Variants in GTF2E1 observed in about 807,000 individuals in gnomAD.
The protein encoded by GTF2E1 is TFIIE alpha subunit.
GTF2E1 carries 14 observed loss-of-function variants against 34.9 expected under a neutral mutation model. That is an observed-to-expected ratio of 0.40 (90% CI 0.27 to 0.63). GTF2E1 has a LOEUF of 0.63. Among genes scored for constraint, GTF2E1 ranks in the 20% least tolerant of loss-of-function variants. GTF2E1 has a pLI of 0.39. For missense variants in GTF2E1, 469 were observed against 557.7 expected (o/e 0.84, Z 1.60); for synonymous variants, 188 against 192.9 (o/e 0.97, Z 0.21).
At chr3:120,759,875 T>C (rs1256741641) in intron 2 of GTF2E1, among the ~76,000 whole-genome samples, 1 of 152,228 alleles carries the variant, frequency 6.6e-6, no homozygotes, top group Non-Finnish European at 1.5e-5. Context: ...GGTAGTGTGA[T>C]GCCTCCAGCT....
intron 2 of GTF2E1, among the ~76,000 whole-genome samples, chr3:120,753,712 T>C (rs1280559469): frequency 6.6e-6 from 1 of 152,214 alleles, no homozygotes; most frequent in Non-Finnish European, 1.5e-5. Context: ...TTTACCATTG[T>C]TAATTCACAC....
chr3:120,778,975 C>A (rs1314065057), intron 4 of GTF2E1, among the ~76,000 whole-genome samples: 1 of 152,094 alleles, frequency 6.6e-6, no homozygotes, highest in Non-Finnish European at 1.5e-5. Context: ...CTTTCAGTAC[C>A]CACAATTGCT....
At chr3:120,753,353 G>A (rs1192877421) in intron 2 of GTF2E1, among the ~76,000 whole-genome samples, 1 of 152,078 alleles carries the variant, frequency 6.6e-6, no homozygotes, top group Admixed American at 6.6e-5. Context: ...GTCTAAATTG[G>A]TAGATTGTAG....
chr3:120,779,534 A>G (rs1373581397), intron 4 of GTF2E1, among the ~76,000 whole-genome samples: 1 of 152,158 alleles, frequency 6.6e-6, no homozygotes, highest in Admixed American at 6.5e-5. Flanking sequence ...TCTCTCTCTT[A>G]TCTGCTCAGT....
At chr3:120,763,528 C>A (rs1050527774) in intron 2 of GTF2E1, among the ~76,000 whole-genome samples, 1 of 152,110 alleles carries the variant, frequency 6.6e-6, no homozygotes, top group Non-Finnish European at 1.5e-5. Flanking sequence ...AGTGTTATGT[C>A]TTGAAATTTT....
chr3:120,754,648 A>G (rs546086538), intron 2 of GTF2E1, among the ~76,000 whole-genome samples: 1 of 152,226 alleles, frequency 6.6e-6, no homozygotes, highest in East Asian at 1.9e-4. Context: ...CTAAAAACAT[A>G]TATGGCATTG....
intron 2 of GTF2E1, among the ~76,000 whole-genome samples, chr3:120,766,379 T>C (rs1167153643): frequency 3.9e-5 from 6 of 152,194 alleles, no homozygotes; most frequent in Non-Finnish European, 8.8e-5. Flanking sequence ...TTCTGTGGCT[T>C]TCCTATTACT....
chr3:120,769,850 A>G lies in GTF2E1; in HGVS notation c.449-878A>G, dbSNP rs149771857. ...TTGGGATAGATGTAGATTAGGTGGC[A>G]TTTAGACAATAAGAAGATGTATTTT... On this transcript the variant is annotated intron_variant, in intron 2 of 4. Transcript: ENST00000283875. Among the ~76,000 whole-genome samples the G allele has an allele frequency of 4.4e-4, 67 of 152,306 alleles. No individual in the cohort carries two copies. The East Asian group carries it at 0.012, about 27-fold the overall frequency.
intron 2 of GTF2E1, among the ~76,000 whole-genome samples, chr3:120,766,235 A>G (rs987705814): frequency 3.9e-5 from 6 of 152,164 alleles, no homozygotes; most frequent in Non-Finnish European, 8.8e-5. Context: ...GAGCCTGAGT[A>G]TAAATTCCAC....
intron 4 of GTF2E1, 70 bp from the exon 5 acceptor site, chr3:120,780,973 A>C: frequency 1.1e-6 from 1 of 950,870 alleles, no homozygotes; most frequent in Non-Finnish European, 1.6e-6. Context: ...ATGTTAAAAT[A>C]TTGTCTATAT....
intron 1 of GTF2E1, among the ~76,000 whole-genome samples, chr3:120,744,488 A>G (rs1265174415): frequency 6.6e-6 from 1 of 152,244 alleles, no homozygotes. Flanking sequence ...AGACACTTCT[A>G]AAAGTGATTT....
chr3:120,743,753 G>C (rs1455034720), intron 1 of GTF2E1, among the ~76,000 whole-genome samples: 1 of 152,214 alleles, frequency 6.6e-6, no homozygotes, highest in African/African-American at 2.4e-5. Flanking sequence ...GCAAAGCCTT[G>C]GGATGCAGGG....
Position 120,776,565 on chromosome 3 carries a change from C to T in GTF2E1, c.793C>T (p.His265Tyr). The T allele has an allele frequency of 6.2e-7, 1 of 1,613,948 alleles. No individual in the cohort carries two copies. Among genetic ancestry groups the T allele is most frequent in the Non-Finnish European group, 8.5e-7 (1 of 1,179,870 alleles). ...TAACATGGATGACCAAGAAGATCTT[C>T]ATCGAGCCTCACTGGAAGGGAAATC... ...VINMDDQEDL[H>Y]RASLEGKSAK... Residue 265 changes from histidine to tyrosine, a missense_variant, in exon 4 of 5, where the codon CAT (histidine) becomes TAT (tyrosine). His to Tyr is a moderately conservative substitution (Grantham distance 83, BLOSUM62 2). Transcript: ENST00000283875.
At chr3:120,777,202 G>C (rs982087906) in intron 4 of GTF2E1, among the ~76,000 whole-genome samples, 1 of 152,182 alleles carries the variant, frequency 6.6e-6, no homozygotes, top group African/African-American at 2.4e-5. Context: ...GAGGCATAAA[G>C]GGTTAAGAAT....
chr3:120,743,880 C>T (rs1189893631), intron 1 of GTF2E1, among the ~76,000 whole-genome samples: 1 of 152,106 alleles, frequency 6.6e-6, no homozygotes, highest in Non-Finnish European at 1.5e-5. Flanking sequence ...TGGCTCCGTG[C>T]CTGGTGCACA....
chr3:120,747,116 T>G (rs1193237388), intron 1 of GTF2E1, among the ~76,000 whole-genome samples: 5 of 152,144 alleles, frequency 3.3e-5, no homozygotes, highest in Non-Finnish European at 4.4e-5. Context: ...GTTTTGTTTT[T>G]TTTTGAGACT....
At chr3:120,774,839 G>A (rs749314536) in intron 3 of GTF2E1, among the ~76,000 whole-genome samples, 1 of 152,200 alleles carries the variant, frequency 6.6e-6, no homozygotes, top group Non-Finnish European at 1.5e-5. Flanking sequence ...CCTGGGCACA[G>A]AGGTGGAATA....
rs146406278 is a variant in GTF2E1 at position 120,781,561 on chromosome 3, C to A, written c.*91C>A. 37 of 943,110 alleles carry A rather than the reference C, an allele frequency of 3.9e-5. No individual in the cohort carries two copies. The African/African-American group carries it at 4.4e-4, about 11-fold the overall frequency. 58.4% of individuals were successfully genotyped at this position (943,110 alleles called of 1,614,324 possible). ...AAAAGTATTTAAGTGGCTTTCTGCC[C>A]CTCTTGATGTAAGCAACTGTCCATC... On this transcript the variant is annotated 3_prime_UTR_variant, in exon 5 of 5. Transcript: ENST00000283875.
Position 120,750,783 on chromosome 3 carries a change from G to A in GTF2E1, c.231G>A (p.Arg77=). The change falls in exon 2 of 5, where the codon AGG becomes AGA. Residue 77 remains arginine, a synonymous_variant. Coordinates refer to ENST00000283875, the MANE Select transcript of GTF2E1 (RefSeq NM_005513.3). ...KGDKFIKCRM[R]VETAADGKTT... ...ACAAGTTTATCAAATGCAGAATGAG[G>A]GTAGAGACTGCTGCAGACGGGAAAA... 6.2e-7 allele frequency: 1 copy of A among 1,613,782 alleles called. No homozygotes were observed.
Sources: allele counts gnomAD v4.1 joint callset (sites outside exome capture counted in the v4.1 genomes callset), GRCh38; gene constraint gnomAD v4.1.1; transcripts MANE v1.5; gene names NCBI Gene and HGNC (gene_info 2026-07-23, HGNC 2026-07-21).